ADAMTS12: variants seen among roughly 807,000 people sequenced by gnomAD.
The protein encoded by ADAMTS12 is A disintegrin and metalloproteinase with thrombospondin motifs 12.
A neutral mutation model predicts 167.8 loss-of-function variants in ADAMTS12; 118 were observed. The ratio of observed to expected loss-of-function variants is 0.70; its 90% CI spans 0.61 to 0.82. The LOEUF is 0.82. Ranked by LOEUF, ADAMTS12 falls within the 40% of genes least tolerant of loss-of-function variation. The pLI, the probability that ADAMTS12 is intolerant of heterozygous loss-of-function variation, is 0.00. For missense variants in ADAMTS12, 1,916 were observed against 1,998.8 expected (o/e 0.96, Z 0.79); for synonymous variants, 704 against 716.9 (o/e 0.98, Z 0.29).
intron 19 of ADAMTS12, among the ~76,000 whole-genome samples, chr5:33,561,743 T>C (rs557233542): frequency 1.2e-4 from 18 of 152,330 alleles, no homozygotes; most frequent in African/African-American, 4.3e-4. Flanking sequence ...ATTGCACCAC[T>C]GCACTCCAGC....
chr5:33,824,094 A>G (rs1747969704), intron 2 of ADAMTS12, among the ~76,000 whole-genome samples: 1 of 152,212 alleles, frequency 6.6e-6, no homozygotes, highest in South Asian at 2.1e-4. Flanking sequence ...TCATGAGCCA[A>G]CTCACTCACT....
At chr5:33,778,388 T>C (rs1388565816) in intron 2 of ADAMTS12, among the ~76,000 whole-genome samples, 1 of 152,188 alleles carries the variant, frequency 6.6e-6, no homozygotes, top group Non-Finnish European at 1.5e-5. Context: ...TCCATTGATC[T>C]TCAACAAAGA....
At chr5:33,847,950 T>C (rs1404826651) in intron 2 of ADAMTS12, among the ~76,000 whole-genome samples, 1 of 151,828 alleles carries the variant, frequency 6.6e-6, no homozygotes, top group Non-Finnish European at 1.5e-5. Context: ...TGCAGTGGCT[T>C]ACACCTGTAA....
At chr5:33,792,122 A>C (rs964642619) in intron 2 of ADAMTS12, among the ~76,000 whole-genome samples, 1 of 149,940 alleles carries the variant, frequency 6.7e-6, no homozygotes, top group Non-Finnish European at 1.5e-5. Context: ...CCCAGGCTCC[A>C]GAGTAGCTGG....
intron 3 of ADAMTS12, among the ~76,000 whole-genome samples, chr5:33,703,551 C>A (rs1743078334): frequency 6.6e-6 from 1 of 152,176 alleles, no homozygotes; most frequent in Non-Finnish European, 1.5e-5. Context: ...TAACACCTCC[C>A]CATTTCTTCC....
At chr5:33,782,848 A>C (rs1746186358) in intron 2 of ADAMTS12, among the ~76,000 whole-genome samples, 1 of 152,108 alleles carries the variant, frequency 6.6e-6, no homozygotes, top group South Asian at 2.1e-4. Context: ...ATATCTCAAT[A>C]TCTCTCTTTT....
intron 2 of ADAMTS12, among the ~76,000 whole-genome samples, chr5:33,798,094 CT>C (rs1192669499): frequency 6.6e-6 from 1 of 152,026 alleles, no homozygotes; most frequent in African/African-American, 2.4e-5. Flanking sequence ...AAGGAAATTT[CT>C]GAATAAAACA....
chr5:33,701,661 G>T (rs1579852977), intron 3 of ADAMTS12, among the ~76,000 whole-genome samples: 2 of 152,132 alleles, frequency 1.3e-5, no homozygotes, highest in East Asian at 3.8e-4. Context: ...CATGGCAAAG[G>T]TATCTTGAGA....
chr5:33,869,237 G>T (rs1031927291), intron 2 of ADAMTS12, among the ~76,000 whole-genome samples: 1 of 152,186 alleles, frequency 6.6e-6, no homozygotes, highest in Non-Finnish European at 1.5e-5. Context: ...CCAGACATAT[G>T]TCAGGCCACT....
chr5:33,572,509 C>A (rs1420961547), intron 19 of ADAMTS12, among the ~76,000 whole-genome samples: 1 of 149,936 alleles, frequency 6.7e-6, no homozygotes, highest in African/African-American at 2.5e-5. Context: ...ACATGACTAT[C>A]TCAATAGATG....
chr5:33,885,032 G>T (rs1221088756), intron 1 of ADAMTS12, among the ~76,000 whole-genome samples: 1 of 152,180 alleles, frequency 6.6e-6, no homozygotes, highest in African/African-American at 2.4e-5. Context: ...ACTCTGAAAA[G>T]AGTTGAAAAT....
chr5:33,568,625 G>A (rs868223588), intron 19 of ADAMTS12, among the ~76,000 whole-genome samples: 7 of 152,166 alleles, frequency 4.6e-5, no homozygotes, highest in East Asian at 1.9e-4. Context: ...TCAGGACCAC[G>A]AAAAGGAAAA....
intron 18 of ADAMTS12, among the ~76,000 whole-genome samples, chr5:33,581,812 G>A: frequency 6.6e-6 from 1 of 152,166 alleles, no homozygotes; most frequent in East Asian, 1.9e-4. Context: ...AGGTCATTAG[G>A]GTGGGCCCTA....
intron 2 of ADAMTS12, among the ~76,000 whole-genome samples, chr5:33,818,089 T>C (rs903804511): frequency 1.3e-5 from 2 of 152,116 alleles, no homozygotes; most frequent in African/African-American, 4.8e-5. Context: ...ATATCTATCA[T>C]CTCACATAGT....
At chr5:33,665,851 C>G (rs1741445610) in intron 5 of ADAMTS12, among the ~76,000 whole-genome samples, 1 of 152,168 alleles carries the variant, frequency 6.6e-6, no homozygotes, top group Non-Finnish European at 1.5e-5. Context: ...TTATGGGGAT[C>G]ACATCTCTCA....
intron 21 of ADAMTS12, 147 bp from the exon 22 acceptor site, chr5:33,546,349 AT>A (rs1744983070): frequency 1.6e-6 from 1 of 636,872 alleles, no homozygotes; most frequent in East Asian, 3.5e-5. Flanking sequence ...ATTCCTGCAA[AT>A]TCCTTACAAT....
At chr5:33,606,427 T>C (rs1041542669) in intron 16 of ADAMTS12, among the ~76,000 whole-genome samples, 2 of 152,118 alleles carry the variant, frequency 1.3e-5, no homozygotes, top group Non-Finnish European at 2.9e-5. Flanking sequence ...AAGAATAATA[T>C]AAATGAATGA....
intron 2 of ADAMTS12, among the ~76,000 whole-genome samples, chr5:33,779,986 T>C (rs973132190): frequency 1.4e-4 from 22 of 152,194 alleles, no homozygotes; most frequent in African/African-American, 5.3e-4. Flanking sequence ...ATCTTACATG[T>C]TTTTACTACA....
intron 16 of ADAMTS12, among the ~76,000 whole-genome samples, chr5:33,603,980 T>C (rs192664130): frequency 1.3e-3 from 197 of 152,320 alleles, no homozygotes; most frequent in African/African-American, 4.5e-3. Flanking sequence ...GTTAGTGTCT[T>C]ACTACCTTCT....
Sources: gnomAD v4.1 joint callset for allele counts (sites outside exome capture counted in the v4.1 genomes callset) on GRCh38, gnomAD v4.1.1 for gene constraint, MANE v1.5 for transcripts, NCBI Gene and HGNC (gene_info 2026-07-23, HGNC 2026-07-21) for gene names.